The following ANXA3 variants were observed in gnomAD, a reference collection of about 807,000 sequenced individuals.
ANXA3 encodes annexin A3.
Under a neutral mutation model 48.8 loss-of-function variants are expected in ANXA3, and 46 were observed. That is an observed-to-expected ratio of 0.94 (90% CI 0.74 to 1.21). ANXA3 has a LOEUF of 1.21. Among genes scored for constraint, ANXA3 ranks in the 50% most tolerant of loss-of-function variants. The probability of loss-of-function intolerance (pLI) is 0.00; values close to 1 mark genes in which losing one functional copy is unlikely to be tolerated. For synonymous variants in ANXA3, 128 were observed against 134.7 expected (o/e 0.95, Z 0.35); for missense variants, 383 against 378.6 (o/e 1.01, Z -0.10).
Position 78,591,549 on chromosome 4 carries a change from A to G in ANXA3, c.409A>G (p.Lys137Glu). 20 of 1,610,708 alleles carry G rather than the reference A, an allele frequency of 1.2e-5. No homozygotes were observed. The highest frequency in any genetic ancestry group is 1.7e-5 in the Non-Finnish European group (20 of 1,177,452). The change falls in exon 7 of 13, where the codon AAG (lysine) becomes GAG (glutamate). Residue 137 changes from lysine (K) to glutamate (E), a missense_variant. Coordinates refer to ENST00000264908, the MANE Select transcript of ANXA3 (RefSeq NM_005139.3). ...DISQAYYTVY[K>E]KSLGDDISSE... ...TCATTCTGATTTGGTTTCAGTATAC[A>G]AGAAGAGTCTTGGAGATGACATTAG... is the stretch of plus-strand genomic sequence containing the variant.
intron 4 of ANXA3, among the ~76,000 whole-genome samples, chr4:78,579,956 T>A (rs1723039595): frequency 1.3e-5 from 2 of 152,298 alleles, no homozygotes; most frequent in South Asian, 2.1e-4. Context: ...AAAGTAAAAG[T>A]AAGACTTGGT....
At chr4:78,591,334 C>T (rs569575211) in intron 6 of ANXA3, among the ~76,000 whole-genome samples, 12 of 152,270 alleles carry the variant, frequency 7.9e-5, no homozygotes, top group Non-Finnish European at 1.8e-4. Flanking sequence ...TCTTTCTATT[C>T]TTTTGCATCT....
intron 10 of ANXA3, among the ~76,000 whole-genome samples, chr4:78,598,993 C>T (rs953750189): frequency 7.2e-5 from 11 of 152,114 alleles, no homozygotes; most frequent in South Asian, 2.1e-4. Context: ...TAATGTATTA[C>T]ATTTGGGCTA....
At chr4:78,599,249 G>T (rs139608988) in intron 10 of ANXA3, among the ~76,000 whole-genome samples, 4 of 152,178 alleles carry the variant, frequency 2.6e-5, no homozygotes, top group East Asian at 3.9e-4. Context: ...TTAATCAGCC[G>T]CATAAGAAAC....
chr4:78,601,462 C>G (rs369670354), intron 10 of ANXA3, 48 bp from the exon 11 acceptor site: 1 of 1,564,574 alleles, frequency 6.4e-7, no homozygotes, highest in Admixed American at 1.7e-5. Context: ...TATAGATTAA[C>G]CCAATTTCTA....
rs150460628 is a variant in ANXA3 at position 78,585,574 on chromosome 4, C to G, written c.313-686C>G. Among the ~76,000 whole-genome samples, 652 of 152,226 alleles carry G rather than the reference C, an allele frequency of 4.3e-3. 5 individuals carry two copies. The highest frequency in any genetic ancestry group is 0.014 in the African/African-American group (598 of 41,552). On this transcript the variant is annotated intron_variant, in intron 5 of 12. Transcript: ENST00000264908. ...TAGCCTTTATATGGGTAGCAATGTA[C>G]CAAGTTAAAAGTTGGGGGTTCCATT... is the stretch of plus-strand genomic sequence containing the variant.
intron 10 of ANXA3, among the ~76,000 whole-genome samples, chr4:78,600,872 T>C (rs1723520831): frequency 1.3e-5 from 2 of 152,234 alleles, no homozygotes; most frequent in Admixed American, 6.5e-5. Flanking sequence ...TTTTTGTCAG[T>C]TTCCTTTTTC....
At chr4:78,555,824 T>C (rs1722501574) in intron 2 of ANXA3, among the ~76,000 whole-genome samples, 1 of 150,918 alleles carries the variant, frequency 6.6e-6, no homozygotes, top group African/African-American at 2.4e-5. Context: ...GTACTCCAGC[T>C]TGGGTGACAG....
At chr4:78,580,371 T>C (rs1181997981) in intron 4 of ANXA3, among the ~76,000 whole-genome samples, 1 of 152,106 alleles carries the variant, frequency 6.6e-6, no homozygotes, top group African/African-American at 2.4e-5. Context: ...AAATAAAGAA[T>C]TCCAATATGG....
intron 10 of ANXA3, 76 bp from the exon 11 acceptor site, chr4:78,601,434 A>T (rs1685043511): frequency 5.7e-6 from 8 of 1,399,012 alleles, no homozygotes; most frequent in South Asian, 1.2e-5. Flanking sequence ...GAATCTTTTT[A>T]AAAAACATAT....
In ANXA3 at chr4:78,594,198, A is replaced by G. The variant is rs563493692; in HGVS notation, c.484-1183A>G. On this transcript the variant is annotated intron_variant, in intron 7 of 12. Transcript: ENST00000264908. ...TTCTTTCACTTAGCTATATGCCTTTAAGGTTCCTCTATGTCTTTTCATGGC... is the reference window on the plus strand; with the variant it reads ...TTCTTTCACTTAGCTATATGCCTTTGAGGTTCCTCTATGTCTTTTCATGGC... Among the ~76,000 whole-genome samples, 22 of 152,248 alleles carry G rather than the reference A, an allele frequency of 1.4e-4. No individual in the cohort carries two copies. In the South Asian group the frequency reaches 3.7e-3, roughly 26 times the overall value.
At chr4:78,598,295 T>TA (rs1308399450) in intron 10 of ANXA3, among the ~76,000 whole-genome samples, 9 of 151,508 alleles carry the variant, frequency 5.9e-5, no homozygotes, top group South Asian at 4.2e-4. Context: ...TTTCTTTCTT[T>TA]TTTTTTTTTC....
chr4:78,562,966 A>G (rs1454742725), intron 2 of ANXA3, among the ~76,000 whole-genome samples: 1 of 152,190 alleles, frequency 6.6e-6, no homozygotes, highest in Non-Finnish European at 1.5e-5. Flanking sequence ...ACAGGGATAC[A>G]AGATTACAAG....
intron 2 of ANXA3, among the ~76,000 whole-genome samples, chr4:78,572,701 G>A (rs991574056): frequency 6.6e-6 from 1 of 152,174 alleles, no homozygotes; most frequent in Admixed American, 6.5e-5. Context: ...CCAACTGTAG[G>A]TTCTATAATA....
At chr4:78,554,928 G>A (rs1422637186) in intron 2 of ANXA3, among the ~76,000 whole-genome samples, 2 of 152,156 alleles carry the variant, frequency 1.3e-5, no homozygotes, top group Admixed American at 6.5e-5. Context: ...TGAATGGGCC[G>A]GGTGTGGTGG....
intron 6 of ANXA3, among the ~76,000 whole-genome samples, chr4:78,591,243 A>T (rs1723289498): frequency 6.6e-6 from 1 of 152,188 alleles, no homozygotes; most frequent in Non-Finnish European, 1.5e-5. Context: ...CTAGTAGCTC[A>T]TCCACCCCAG....
chr4:78,565,946 A>G (rs1388597365), intron 2 of ANXA3, among the ~76,000 whole-genome samples: 1 of 152,218 alleles, frequency 6.6e-6, no homozygotes, highest in African/African-American at 2.4e-5. Context: ...TAGAGCTATA[A>G]TGTGGGATTT....
At chr4:78,552,869 A>T (rs1722428123) in intron 1 of ANXA3, among the ~76,000 whole-genome samples, 1 of 152,258 alleles carries the variant, frequency 6.6e-6, no homozygotes, top group South Asian at 2.1e-4. Flanking sequence ...GAAAACCAGA[A>T]TCTTGTTCCC....
At chr4:78,552,809 C>G (rs1166747158) in intron 1 of ANXA3, among the ~76,000 whole-genome samples, 2 of 152,096 alleles carry the variant, frequency 1.3e-5, no homozygotes, top group African/African-American at 4.8e-5. Flanking sequence ...TTGGTTTTCA[C>G]GAAGACGGAA....
Sources: allele counts gnomAD v4.1 joint callset (sites outside exome capture counted in the v4.1 genomes callset), GRCh38; gene constraint gnomAD v4.1.1; transcripts MANE v1.5; gene names NCBI Gene and HGNC (gene_info 2026-07-23, HGNC 2026-07-21).